Variants in SFSWAP observed in about 807,000 individuals in gnomAD.
The protein encoded by SFSWAP is splicing factor SWAP.
Under a neutral mutation model 100.7 loss-of-function variants are expected in SFSWAP, and 17 were observed. That is an observed-to-expected ratio of 0.17 (90% CI 0.12 to 0.25). The LOEUF (loss-of-function observed/expected upper bound fraction) is 0.25. Ranked by LOEUF, SFSWAP falls within the 10% of genes least tolerant of loss-of-function variation. The pLI is 1.00. For synonymous variants in SFSWAP, 504 were observed against 510.1 expected, an observed-to-expected ratio of 0.99 and a Z score of 0.16; for missense variants, 1,005 against 1,262.6, an observed-to-expected ratio of 0.80 and a Z score of 3.09.
At chr12:131,776,034 G>A (rs192595548) in intron 13 of SFSWAP, among the ~76,000 whole-genome samples, 98 of 152,174 alleles carry the variant, frequency 6.4e-4, no homozygotes, top group African/African-American at 2.2e-3. Flanking sequence ...GCCGGAAGGC[G>A]GAGGTTGCGG....
chr12:131,774,704 C>A (rs1303075194), intron 13 of SFSWAP, among the ~76,000 whole-genome samples: 2 of 152,170 alleles, frequency 1.3e-5, no homozygotes, highest in African/African-American at 4.8e-5. Context: ...ACATAATGAA[C>A]CATCTTAATT....
chr12:131,797,435 G>C (rs1430953903), intron 16 of SFSWAP, 75 bp downstream of exon 16: 1 of 1,341,856 alleles, frequency 7.5e-7, no homozygotes, highest in Non-Finnish European at 1.0e-6. Context: ...TCCTCCCTGA[G>C]TCCTTGCCTA....
At chr12:131,729,585 A>T (rs1879312715) in intron 7 of SFSWAP, among the ~76,000 whole-genome samples, 1 of 152,236 alleles carries the variant, frequency 6.6e-6, no homozygotes, top group African/African-American at 2.4e-5. Context: ...CGCTGATTGC[A>T]GTTCTTTTAT....
chr12:131,732,710 G>A (rs1879627048), intron 7 of SFSWAP, among the ~76,000 whole-genome samples: 1 of 152,190 alleles, frequency 6.6e-6, no homozygotes, highest in African/African-American at 2.4e-5. Flanking sequence ...GATTTTCCAT[G>A]CTCTGGGCAT....
rs938453791 is a variant in SFSWAP, at chr12:131,794,586, C to T, written c.2535-2592C>T. Among the ~76,000 whole-genome samples the T allele has an allele frequency of 2.0e-5, 3 of 152,080 alleles. No homozygotes were observed. Among genetic ancestry groups the T allele is most frequent in the Non-Finnish European group, 4.4e-5 (3 of 68,020 alleles). On this transcript the variant is annotated intron_variant, in intron 15 of 17. Coordinates refer to ENST00000261674, the MANE Select transcript of SFSWAP (RefSeq NM_004592.4). The surrounding 1 kb of genome is among the most constrained non-coding windows in gnomAD (Gnocchi z 4.8). The stretch of plus-strand genomic sequence containing the variant: ...AACCAACAAACAAACACAGACATAG[C>T]GTGGGGTTTGTCTACATAGAGCTTT...
At position 131,711,202 on chromosome 12, in the gene SFSWAP, G is replaced by A. The variant is rs564873605; in HGVS notation, c.-28G>A. 447 of 1,550,604 alleles carry A rather than the reference G, an allele frequency of 2.9e-4. No homozygotes were observed. The Middle Eastern group carries it at 4.7e-3, about 16-fold the overall frequency. ...AGGGACGTCGCGCGGCACAGAAGAG[G>A]ACCAGCCTGGACGCCGGGGACGCTG... is the stretch of plus-strand genomic sequence containing the variant. On this transcript the variant is annotated 5_prime_UTR_variant, in exon 1 of 18. Transcript: ENST00000261674. The surrounding 1 kb of genome is among the most constrained non-coding windows in gnomAD (Gnocchi z 4.9).
At chr12:131,720,589 A>G (rs557010039) in intron 4 of SFSWAP, among the ~76,000 whole-genome samples, 27 of 152,306 alleles carry the variant, frequency 1.8e-4, no homozygotes, top group Admixed American at 1.4e-3. Context: ...CCACATCCTG[A>G]ATCACTCACT....
In SFSWAP at chr12:131,714,732, G is replaced by C; in HGVS notation, c.389-90G>C. ...GTAGGTTGAAAAAAGTATGTTGTAT[G>C]CTTTACTGATAGCTACAACTTTAGA... is the stretch of plus-strand genomic sequence containing the variant. On this transcript the variant is annotated intron_variant, in intron 2 of 17. Coordinates refer to ENST00000261674, the MANE Select transcript of SFSWAP (RefSeq NM_004592.4). The surrounding 1 kb of genome is among the most constrained non-coding windows in gnomAD (Gnocchi z 6.0). The C allele has an allele frequency of 8.3e-7, 1 of 1,207,454 alleles. No individual in the cohort carries two copies. Among genetic ancestry groups the C allele is most frequent in the Non-Finnish European group, 1.2e-6 (1 of 839,312 alleles). The allele number at this position is 1,207,454 out of a possible 1,614,324, so 74.8% of individuals were successfully genotyped here. A position where few individuals can be genotyped will look rare whatever the true frequency, so the allele number is the denominator to read the frequency against.
At chr12:131,754,586 A>AT (rs770855523) in intron 9 of SFSWAP, 87 bp downstream of exon 9, 1 of 754,360 alleles carries the variant, frequency 1.3e-6, no homozygotes, top group Middle Eastern at 3.0e-4. Flanking sequence ...TACAGAATTA[A>AT]TTTTTTTATA....
intron 11 of SFSWAP, among the ~76,000 whole-genome samples, chr12:131,761,775 C>G (rs1176316959): frequency 6.6e-6 from 1 of 152,166 alleles, no homozygotes; most frequent in Non-Finnish European, 1.5e-5. Flanking sequence ...ATTCCCTGTA[C>G]TGACCTGAGG....
chr12:131,732,014 A>AG (rs760836834), intron 7 of SFSWAP, among the ~76,000 whole-genome samples: 5 of 143,108 alleles, frequency 3.5e-5, no homozygotes, highest in Non-Finnish European at 7.5e-5. Context: ...GGTTCAAGCG[A>AG]GTCTCCTGCC....
At chr12:131,798,977 T>C (rs1345321310) in intron 16 of SFSWAP, 60 bp from the exon 17 acceptor site, 31 of 1,275,884 alleles carry the variant, frequency 2.4e-5, no homozygotes, top group Non-Finnish European at 3.4e-5. Flanking sequence ...TGCTGTTCAC[T>C]GGCCTTGGCT....
chr12:131,765,287 A>G (rs931930138), intron 12 of SFSWAP, among the ~76,000 whole-genome samples: 2 of 152,242 alleles, frequency 1.3e-5, no homozygotes, highest in Admixed American at 6.5e-5. Context: ...GTTGTTATCT[A>G]TTCTAACTGA....
chr12:131,758,494 A>G (rs1034235337), intron 11 of SFSWAP, among the ~76,000 whole-genome samples: 1 of 152,214 alleles, frequency 6.6e-6, no homozygotes, highest in African/African-American at 2.4e-5. Flanking sequence ...AGAGATTCCA[A>G]AGTTCGGGAG....
chr12:131,795,165 T>G (rs1187507303), intron 15 of SFSWAP, among the ~76,000 whole-genome samples: 1 of 152,216 alleles, frequency 6.6e-6, no homozygotes, highest in African/African-American at 2.4e-5. Flanking sequence ...TCAGGCAGGC[T>G]TCCAGAAGAT....
chr12:131,713,966 C>T (rs543700175), intron 1 of SFSWAP, 105 bp from the exon 2 acceptor site: 14 of 653,752 alleles, frequency 2.1e-5, no homozygotes, highest in African/African-American at 1.7e-4. Context: ...TTATTTTAAT[C>T]GGTAAGTATG....
At chr12:131,781,682 C>T (rs1045466606) in intron 14 of SFSWAP, among the ~76,000 whole-genome samples, 1 of 152,144 alleles carries the variant, frequency 6.6e-6, no homozygotes, top group Non-Finnish European at 1.5e-5. Flanking sequence ...CAATTTTAAT[C>T]CGACCTACGT....
intron 13 of SFSWAP, among the ~76,000 whole-genome samples, chr12:131,772,512 T>A (rs1183303982): frequency 2.0e-5 from 3 of 152,128 alleles, no homozygotes; most frequent in Non-Finnish European, 2.9e-5. Flanking sequence ...AGGGGGTGGC[T>A]CGTTTTCTCG....
intron 3 of SFSWAP, among the ~76,000 whole-genome samples, chr12:131,718,011 G>A (rs941722021): frequency 1.3e-5 from 2 of 152,200 alleles, no homozygotes; most frequent in African/African-American, 2.4e-5. Flanking sequence ...GATTCCAGGC[G>A]TGAGCCACCA....
Sources: allele counts gnomAD v4.1 joint callset (sites outside exome capture counted in the v4.1 genomes callset), GRCh38; gene constraint gnomAD v4.1.1; non-coding constraint Gnocchi (gnomAD v3.1); transcripts MANE v1.5; gene names NCBI Gene and HGNC (gene_info 2026-07-23, HGNC 2026-07-21).